Variants in PKD1L1 observed in about 807,000 individuals in gnomAD.
PKD1L1 encodes the protein polycystin 1 like 1, transient receptor potential channel interacting, also known as polycystin-1-like protein 1.
Under a neutral mutation model 323.4 loss-of-function variants are expected in PKD1L1, and 236 were observed. The ratio of observed to expected loss-of-function variants is 0.73; its 90% CI spans 0.66 to 0.81. PKD1L1 has a LOEUF of 0.81. PKD1L1 is among the 40% of genes least tolerant of loss of function. The pLI, the probability that PKD1L1 is intolerant of heterozygous loss-of-function variation, is 0.00. For synonymous variants in PKD1L1, 1,344 were observed against 1,335.0 expected (o/e 1.01, Z -0.15); for missense variants, 3,320 against 3,508.0 (o/e 0.95, Z 1.35).
At chr7:47,814,513 A>G (rs1190804324) in intron 47 of PKD1L1, among the ~76,000 whole-genome samples, 1 of 152,086 alleles carries the variant, frequency 6.6e-6, no homozygotes, top group Non-Finnish European at 1.5e-5. Flanking sequence ...CCAAGTAGCT[A>G]GGATTACAGG....
Position 47,931,303 on chromosome 7 carries a change from C to CA in PKD1L1, c.537dup (p.Ala180CysfsTer89). On this transcript the variant is annotated frameshift_variant, in exon 6 of 57. Coordinates refer to ENST00000289672, the MANE Select transcript of PKD1L1 (RefSeq NM_138295.5). LOFTEE classifies it high-confidence loss of function. ...ATCTTCAGGCTGCAGGGAGCTGCTG[C>CA]AGAAGTGGTGCCCTGGAGCTTAAAA... 2.5e-6 allele frequency: 4 copies of CA among 1,614,218 alleles called. No individual in the cohort carries two copies. Among genetic ancestry groups the CA allele is most frequent in the Non-Finnish European group, 2.5e-6 (3 of 1,180,044 alleles).
chr7:47,804,215 TC>T (rs1784725984), intron 52 of PKD1L1, among the ~76,000 whole-genome samples: 1 of 152,232 alleles, frequency 6.6e-6, no homozygotes, highest in South Asian at 2.1e-4. Context: ...CCCCTCGGGT[TC>T]CCTTCAGAGC....
At chr7:47,926,396 G>A (rs780818772) in intron 7 of PKD1L1, among the ~76,000 whole-genome samples, 6 of 152,016 alleles carry the variant, frequency 3.9e-5, no homozygotes, top group East Asian at 1.9e-4. Flanking sequence ...ACCTTTCTGC[G>A]CAGAACCAAT....
chr7:47,889,568 A>G (rs145538275), intron 16 of PKD1L1, among the ~76,000 whole-genome samples: 1 of 152,066 alleles, frequency 6.6e-6, no homozygotes, highest in East Asian at 1.9e-4. Context: ...CATGGCTCTA[A>G]TCTTGAAACC....
chr7:47,904,665 A>G (rs1272630802), intron 11 of PKD1L1, 48 bp from the exon 12 acceptor site: 1 of 1,581,436 alleles, frequency 6.3e-7, no homozygotes, highest in East Asian at 2.2e-5. Flanking sequence ...GCAAGACAAG[A>G]ACAGGGTCAG....
chr7:47,882,679 G>C (rs1380252062), intron 19 of PKD1L1, among the ~76,000 whole-genome samples: 2 of 151,308 alleles, frequency 1.3e-5, no homozygotes, highest in African/African-American at 2.4e-5. Context: ...CTAGTGGTTG[G>C]AGGGTGGGAG....
At chr7:47,877,116 T>C (rs1195313535) in intron 22 of PKD1L1, among the ~76,000 whole-genome samples, 5 of 152,060 alleles carry the variant, frequency 3.3e-5, no homozygotes, top group Admixed American at 3.3e-4. Context: ...GTGTTAGAAA[T>C]GTGCCTGGGG....
At chr7:47,953,459 G>T (rs913460225), upstream of PKD1L1, among the ~76,000 whole-genome samples, 1 of 152,182 alleles carries the variant, frequency 6.6e-6, no homozygotes, top group African/African-American at 2.4e-5. Context: ...TGTGAGCCCA[G>T]ATCGTATGAT....
At chr7:47,954,076 A>C in the PKD1L1 span, among the ~76,000 whole-genome samples, 1 of 152,178 alleles carries the variant, frequency 6.6e-6, no homozygotes. Flanking sequence ...AAATAGCTTG[A>C]GGTTAGAAAC....
At chr7:47,873,410 A>G (rs928354599) in intron 24 of PKD1L1, among the ~76,000 whole-genome samples, 3 of 152,196 alleles carry the variant, frequency 2.0e-5, no homozygotes, top group Non-Finnish European at 2.9e-5. Context: ...GCATTTTGGG[A>G]GACCGAGGCG....
intron 40 of PKD1L1, among the ~76,000 whole-genome samples, chr7:47,834,129 T>C (rs1293753712): frequency 8.9e-6 from 1 of 111,854 alleles, no homozygotes; most frequent in Non-Finnish European, 1.8e-5. Context: ...CGGGTTGCCA[T>C]GGCATGTGTC....
intron 28 of PKD1L1, 98 bp from the exon 29 acceptor site, chr7:47,855,363 T>C (rs1785876637): frequency 4.1e-6 from 3 of 733,514 alleles, no homozygotes; most frequent in Non-Finnish European, 6.6e-6. Context: ...GCTATTACAC[T>C]TACATAAAAT....
chr7:47,837,634 T>C (rs569128593), intron 36 of PKD1L1, among the ~76,000 whole-genome samples: 23 of 152,232 alleles, frequency 1.5e-4, no homozygotes, highest in Non-Finnish European at 2.5e-4. Flanking sequence ...CCTGGCAACA[T>C]AGTTAATTTC....
chr7:47,877,710 C>T, intron 21 of PKD1L1, 79 bp from the exon 22 acceptor site: 2 of 1,493,482 alleles, frequency 1.3e-6, no homozygotes, highest in Admixed American at 2.1e-5. Flanking sequence ...TATAGATAAA[C>T]CTTATAGCAG....
At chr7:47,877,446 C>G (rs1562969004) in intron 22 of PKD1L1, 43 bp downstream of exon 22, 1 of 1,605,968 alleles carries the variant, frequency 6.2e-7, no homozygotes, top group Non-Finnish European at 8.5e-7. Flanking sequence ...CCAGATGCCA[C>G]TGTCGGGGGT....
intron 56 of PKD1L1, among the ~76,000 whole-genome samples, chr7:47,787,175 A>C (rs899878291): frequency 6.6e-6 from 1 of 152,208 alleles, no homozygotes; most frequent in East Asian, 1.9e-4. Flanking sequence ...TGCTTGGCCT[A>C]TTCCAAGACC....
chr7:47,817,978 T>C, intron 46 of PKD1L1: 1 of 1,183,842 alleles, frequency 8.4e-7, no homozygotes, highest in Non-Finnish European at 1.1e-6. Flanking sequence ...TCCTTTCAAG[T>C]ATTTGATCTT....
At chr7:47,945,460 A>G (rs191428746) in intron 1 of PKD1L1, among the ~76,000 whole-genome samples, 14 of 152,332 alleles carry the variant, frequency 9.2e-5, no homozygotes, top group Admixed American at 9.2e-4. Flanking sequence ...AAAAGCTGTT[A>G]TTTTGAAGAT....
chr7:47,820,837 C>T (rs1318381782), intron 46 of PKD1L1, among the ~76,000 whole-genome samples: 1 of 152,122 alleles, frequency 6.6e-6, no homozygotes, highest in African/African-American at 2.4e-5. Context: ...ACTGCAAGAC[C>T]CTGTTTTGGC....
Sources: allele counts gnomAD v4.1 joint callset (sites outside exome capture counted in the v4.1 genomes callset), GRCh38; gene constraint gnomAD v4.1.1; transcripts MANE v1.5; gene names NCBI Gene and HGNC (gene_info 2026-07-23, HGNC 2026-07-21).